Variants in AFF1 observed in about 807,000 individuals in gnomAD.
AFF1 encodes the protein ALF transcription elongation factor 1, also known as AF4/FMR2 family member 1.
Under a neutral mutation model 121.7 loss-of-function variants are expected in AFF1, and 48 were observed. That is an observed-to-expected ratio of 0.39 (90% CI 0.31 to 0.50). The LOEUF (loss-of-function observed/expected upper bound fraction) is 0.50, where lower values mean the gene tolerates loss of function less well. Ranked by LOEUF, AFF1 falls within the 20% of genes least tolerant of loss-of-function variation. AFF1 has a pLI of 0.76. For missense variants in AFF1, 1,523 were observed against 1,511.7 expected (o/e 1.01, Z -0.12); for synonymous variants, 613 against 563.0 (o/e 1.09, Z -1.26).
At chr4:86,945,521 T>TA (rs1553907125) in intron 1 of AFF1, among the ~76,000 whole-genome samples, 7 of 147,874 alleles carry the variant, frequency 4.7e-5, no homozygotes, top group Admixed American at 6.8e-5. Context: ...TTTTTTTTTT[T>TA]AGACAGGGTC....
chr4:87,047,363 G>A lies in AFF1; in HGVS notation c.828G>A (p.Pro276=), dbSNP rs2230857. 787 of 1,614,076 alleles carry A rather than the reference G, an allele frequency of 4.9e-4. 6 individuals carry two copies. The highest frequency in any genetic ancestry group is 4.2e-4 in the East Asian group (19 of 44,878). The change falls in exon 4 of 21, where the codon CCG becomes CCA. Residue 276 remains proline (P), a synonymous_variant. Transcript: ENST00000395146. ...PQDSLVAPAQ[P]PSQTFPPPSL... is the part of the protein sequence containing the mutation. Reference sequence around the variant, plus strand: ...ACAGTTTGGTGGCCCCTGCCCAGCCGCCTTCTCAGACATTTCCACCTCCCT... The same window carrying A: ...ACAGTTTGGTGGCCCCTGCCCAGCCACCTTCTCAGACATTTCCACCTCCCT...
intron 2 of AFF1, among the ~76,000 whole-genome samples, chr4:86,989,072 A>G (rs1483060589): frequency 6.6e-6 from 1 of 152,196 alleles, no homozygotes; most frequent in African/African-American, 2.4e-5. Context: ...AAGACCTAAA[A>G]CCATAAAAAC....
rs116640272 is a variant in AFF1, at chr4:86,942,359, A to G, written c.-36-6139A>G. 9.8e-3 allele frequency among the ~76,000 whole-genome samples: 1,486 copies of G among 152,304 alleles called. 20 individuals are homozygous for G. The highest frequency in any genetic ancestry group is 0.034 in the African/African-American group (1,413 of 41,574). On this transcript the variant is annotated intron_variant, in intron 1 of 20. Transcript: ENST00000395146. The stretch of plus-strand genomic sequence containing the variant: ...CTTTATGGTTACACAGAATCAGGTG[A>G]CTCATCTGTCCAGATAAGCAGTGAG...
intron 2 of AFF1, among the ~76,000 whole-genome samples, chr4:87,031,915 C>T (rs1339880472): frequency 2.6e-5 from 4 of 152,122 alleles, no homozygotes; most frequent in African/African-American, 9.7e-5. Flanking sequence ...TAATTTTTAG[C>T]GTTGGCTGAA....
chr4:87,094,785 T>G, intron 7 of AFF1, 130 bp from the exon 8 acceptor site: 1 of 820,310 alleles, frequency 1.2e-6, no homozygotes, highest in Non-Finnish European at 2.0e-6. Flanking sequence ...AAATGTCATC[T>G]TATAATGCTA....
chr4:87,016,551 CAA>C (rs59972369), intron 2 of AFF1, among the ~76,000 whole-genome samples: 22 of 88,708 alleles, frequency 2.5e-4, no homozygotes, highest in Admixed American at 3.8e-4. Flanking sequence ...GACTCTGTCT[CAA>C]AAAAAAAAAA....
Position 87,131,172 on chromosome 4 carries a change from A to G in AFF1, c.3054A>G (p.Ser1018=). ...CGIATESESQ[S]SKSAYSVYSE... ...TTGCCACAGAGTCTGAAAGCCAGTC[A>G]TCCAAGTCAGCTTACTCTGTCTACT... The change falls in exon 17 of 21, where the codon TCA becomes TCG. Residue 1018 remains serine, a synonymous_variant. Coordinates refer to ENST00000395146, the MANE Select transcript of AFF1 (RefSeq NM_001166693.3). 2.5e-6 allele frequency: 4 copies of G among 1,614,242 alleles called. No individual in the cohort carries two copies. The highest frequency in any genetic ancestry group is 3.4e-6 in the Non-Finnish European group (4 of 1,180,042).
At chr4:86,937,871 G>T (rs1342269579) in intron 1 of AFF1, among the ~76,000 whole-genome samples, 1 of 152,166 alleles carries the variant, frequency 6.6e-6, no homozygotes, top group Non-Finnish European at 1.5e-5. Context: ...CTCCTCAAGT[G>T]CTGAGATTAC....
intron 2 of AFF1, among the ~76,000 whole-genome samples, chr4:87,042,167 T>C (rs1028291693): frequency 6.6e-6 from 1 of 152,244 alleles, no homozygotes; most frequent in Non-Finnish European, 1.5e-5. Flanking sequence ...AAAGGTTTAC[T>C]CATGGTATGA....
intron 1 of AFF1, among the ~76,000 whole-genome samples, chr4:86,945,497 ATTTTTTT>A (rs34305215): frequency 1.2e-5 from 1 of 86,630 alleles, no homozygotes; most frequent in African/African-American, 5.2e-5. Context: ...GCCTTTCCCA[ATTTTTTT>A]TTTTTTTTTT....
At chr4:87,035,772 T>G (rs1729508903) in intron 2 of AFF1, among the ~76,000 whole-genome samples, 1 of 152,224 alleles carries the variant, frequency 6.6e-6, no homozygotes, top group Admixed American at 6.5e-5. Flanking sequence ...TGTTGGATGC[T>G]TCATAGATTT....
In AFF1 at chr4:87,114,353, T is replaced by G. The variant is rs199671084; in HGVS notation, c.1534-14T>G. On this transcript the variant is annotated splice_polypyrimidine_tract_variant and intron_variant, in intron 11 of 20. Transcript: ENST00000395146. ...ATGGTCAGTTAACACTTTTCTTTCT[T>G]TCCTTATTTTTAGCCTGAGCCTCCA... 1.3e-6 allele frequency: 2 copies of G among 1,575,062 alleles called. No individual in the cohort carries two copies. Among genetic ancestry groups the G allele is most frequent in the Non-Finnish European group, 1.7e-6 (2 of 1,167,922 alleles).
At chr4:87,041,746 G>A (rs1248712772) in intron 2 of AFF1, among the ~76,000 whole-genome samples, 1 of 151,966 alleles carries the variant, frequency 6.6e-6, no homozygotes. Flanking sequence ...TGGGCGTGGT[G>A]GCTCACGCCT....
chr4:87,138,490 GGTGTGTGT>G lies in AFF1; in HGVS notation c.*2814_*2821del, dbSNP rs35457894. 0.35 allele frequency: 76,690 copies of G among 218,518 alleles called. 10,842 individuals are homozygous for G. Among genetic ancestry groups the G allele is most frequent in the Middle Eastern group, 0.45 (333 of 742 alleles). 13.5% of individuals were successfully genotyped at this position (218,518 alleles called of 1,614,324 possible). A position where few individuals can be genotyped will look rare whatever the true frequency, so the allele number is the denominator to read the frequency against. ...GTAAATCTTGCCTTTGGCACTACAA[GGTGTGTGT>G]GTGTGTGTGTGTGTGTGTGTGTGTC... On this transcript the variant is annotated 3_prime_UTR_variant, in exon 21 of 21. Transcript: ENST00000395146.
chr4:87,107,035 AG>A (rs1725978733), intron 10 of AFF1, among the ~76,000 whole-genome samples: 1 of 152,184 alleles, frequency 6.6e-6, no homozygotes, highest in African/African-American at 2.4e-5. Flanking sequence ...TTGAGGCAGG[AG>A]TAACATTGAG....
At chr4:87,036,102 G>C (rs1348877287) in intron 2 of AFF1, among the ~76,000 whole-genome samples, 1 of 152,186 alleles carries the variant, frequency 6.6e-6, no homozygotes, top group Non-Finnish European at 1.5e-5. Context: ...CAGTGCCAAT[G>C]AGGCACTGTG....
chr4:87,057,104 A>G (rs574886031), intron 4 of AFF1, among the ~76,000 whole-genome samples: 1 of 152,084 alleles, frequency 6.6e-6, no homozygotes, highest in South Asian at 2.1e-4. Flanking sequence ...TTAAGAGTTG[A>G]CTTTTGAAGC....
At chr4:86,945,130 T>C (rs1052386438) in intron 1 of AFF1, among the ~76,000 whole-genome samples, 3 of 152,150 alleles carry the variant, frequency 2.0e-5, no homozygotes, top group Non-Finnish European at 2.9e-5. Context: ...CTAGGTGATA[T>C]AATATATGCT....
chr4:87,105,399 C>T (rs957492198), intron 8 of AFF1, among the ~76,000 whole-genome samples: 2 of 152,122 alleles, frequency 1.3e-5, no homozygotes, highest in African/African-American at 4.8e-5. Context: ...GAGGCTTGCA[C>T]TTAACTGGTT....
Sources: allele counts gnomAD v4.1 joint callset (sites outside exome capture counted in the v4.1 genomes callset), GRCh38; gene constraint gnomAD v4.1.1; transcripts MANE v1.5; gene names NCBI Gene and HGNC (gene_info 2026-07-23, HGNC 2026-07-21).